Variants in DPYSL5 observed in about 807,000 individuals in gnomAD.
DPYSL5 encodes the protein dihydropyrimidinase-related protein 5.
A neutral mutation model predicts 58.4 loss-of-function variants in DPYSL5; 9 were observed. The ratio of observed to expected loss-of-function variants is 0.15; its 90% CI spans 0.09 to 0.27. The LOEUF (loss-of-function observed/expected upper bound fraction) is 0.27, where lower values mean the gene tolerates loss of function less well. DPYSL5 is among the 10% of genes least tolerant of loss of function. DPYSL5 has a pLI of 1.00. For synonymous variants in DPYSL5, 293 were observed against 301.9 expected (o/e 0.97, Z 0.31); for missense variants, 499 against 770.6 (o/e 0.65, Z 4.17).
At position 26,934,196 on chromosome 2, in the gene DPYSL5, G is replaced by A. The variant is rs1290051246; in HGVS notation, c.791-382G>A. 6.6e-6 allele frequency among the ~76,000 whole-genome samples: 1 copy of A among 152,148 alleles called. No individual in the cohort carries two copies. The highest frequency in any genetic ancestry group is 1.5e-5 in the Non-Finnish European group (1 of 68,026). On this transcript the variant is annotated intron_variant, in intron 7 of 12. Coordinates refer to ENST00000288699, the MANE Select transcript of DPYSL5 (RefSeq NM_020134.4). The surrounding 1 kb of genome is among the most constrained non-coding windows in gnomAD (Gnocchi z 4.3). The stretch of plus-strand genomic sequence containing the variant: ...TTGAAGCTGCTCACAGCAACTGCCT[G>A]TCCAGAAAACAGTCTAGACTGCTCT...
Position 26,931,189 on chromosome 2 carries a change from G to A in DPYSL5, c.670-451G>A, listed in dbSNP as rs1488824728. ...TATATATGTGTGTGTGTGTGTGTGT[G>A]TGTGTGTGTGTGTGTATATATATAT... On this transcript the variant is annotated intron_variant, in intron 5 of 12. Coordinates refer to ENST00000288699, the MANE Select transcript of DPYSL5 (RefSeq NM_020134.4). Among the ~76,000 whole-genome samples the A allele has an allele frequency of 3.5e-4, 21 of 59,514 alleles. No homozygotes were observed. In the South Asian group the frequency reaches 0.015, roughly 43 times the overall value. 39.0% of individuals were successfully genotyped at this position (59,514 alleles called of 152,430 possible). A position where few individuals can be genotyped will look rare whatever the true frequency, so the allele number is the denominator to read the frequency against.
rs1200457508 is a variant in DPYSL5 at position 26,924,091 on chromosome 2, G to A, written c.262-796G>A. On this transcript the variant is annotated intron_variant, in intron 2 of 12. Transcript: ENST00000288699. This position sits in a 1 kb window ranked among gnomAD's most constrained non-coding sequence, Gnocchi z 4.7. ...AATTCACTTTTAAAAAGTTGAGTGG[G>A]GGAATCTCTAATACAGATTTAGTCA... Among the ~76,000 whole-genome samples, 2 of 152,158 alleles carry A rather than the reference G, an allele frequency of 1.3e-5. No individual in the cohort carries two copies. Among genetic ancestry groups the A allele is most frequent in the Non-Finnish European group, 2.9e-5 (2 of 68,040 alleles).
chr2:26,849,874 C>A lies in DPYSL5; in HGVS notation c.-5+1620C>A, dbSNP rs1375276175. On this transcript the variant is annotated intron_variant, in intron 1 of 12. Coordinates refer to ENST00000288699, the MANE Select transcript of DPYSL5 (RefSeq NM_020134.4). This position sits in a 1 kb window ranked among gnomAD's most constrained non-coding sequence, Gnocchi z 6.2. The stretch of plus-strand genomic sequence containing the variant: ...GCCTGCAGACAGCCACCCCCCCACT[C>A]CGGCTCGGGTGCCTTCTGGTGCAGC... Among the ~76,000 whole-genome samples the A allele has an allele frequency of 2.0e-5, 3 of 152,216 alleles. No homozygotes were observed. The highest frequency in any genetic ancestry group is 4.4e-5 in the Non-Finnish European group (3 of 68,032).
intron 1 of DPYSL5, among the ~76,000 whole-genome samples, chr2:26,874,533 G>T (rs1177959341): frequency 6.6e-6 from 1 of 152,160 alleles, no homozygotes; most frequent in Non-Finnish European, 1.5e-5. Context: ...ATATATATAT[G>T]TAGGTCTATT....
chr2:26,896,850 T>C (rs1664035243), intron 1 of DPYSL5, among the ~76,000 whole-genome samples: 1 of 152,252 alleles, frequency 6.6e-6, no homozygotes, highest in Non-Finnish European at 1.5e-5. Flanking sequence ...CTGTTGATTG[T>C]TTCCTTCGCT....
At chr2:26,867,759 A>G (rs191869421) in intron 1 of DPYSL5, among the ~76,000 whole-genome samples, 146 of 152,006 alleles carry the variant, frequency 9.6e-4, no homozygotes, top group Middle Eastern at 3.4e-3. Context: ...CCGGCCCCCA[A>G]TTGTTTGTTT....
chr2:26,856,248 T>C (rs917533782), intron 1 of DPYSL5, among the ~76,000 whole-genome samples: 3 of 152,034 alleles, frequency 2.0e-5, no homozygotes, highest in Non-Finnish European at 4.4e-5. Context: ...TCTTATTATT[T>C]AAAAAAGGGA....
intron 5 of DPYSL5, 117 bp from the exon 6 acceptor site, chr2:26,931,523 C>A: frequency 8.0e-7 from 1 of 1,242,284 alleles, no homozygotes; most frequent in Non-Finnish European, 1.1e-6. Flanking sequence ...TCTGCCCGGG[C>A]TTTGCCCCGA....
chr2:26,914,442 G>T (rs1558343261), intron 2 of DPYSL5, among the ~76,000 whole-genome samples: 1 of 152,190 alleles, frequency 6.6e-6, no homozygotes. Flanking sequence ...GTCTTTCCAG[G>T]CATTGCTGGG....
chr2:26,931,699 G>A lies in DPYSL5; in HGVS notation c.714+15G>A, dbSNP rs72851870. ...TTGCAAACAGGGTAAGTCCCCCGATGTCCACTGTGGGATTAGAAACCAACC... is the reference window on the plus strand; with the variant it reads ...TTGCAAACAGGGTAAGTCCCCCGATATCCACTGTGGGATTAGAAACCAACC... On this transcript the variant is annotated intron_variant, in intron 6 of 12. Transcript: ENST00000288699. 1 of 1,613,672 alleles carries A rather than the reference G, an allele frequency of 6.2e-7. No homozygotes were observed. Among genetic ancestry groups the A allele is most frequent in the East Asian group, 2.2e-5 (1 of 44,868 alleles).
chr2:26,886,240 T>C (rs1213942295), intron 1 of DPYSL5, among the ~76,000 whole-genome samples: 1 of 152,178 alleles, frequency 6.6e-6, no homozygotes, highest in Non-Finnish European at 1.5e-5. Context: ...TCTTTTTTGC[T>C]TGTCACCTAA....
chr2:26,916,344 C>T (rs1664563659), intron 2 of DPYSL5, among the ~76,000 whole-genome samples: 6 of 152,160 alleles, frequency 3.9e-5, no homozygotes, highest in Admixed American at 2.6e-4. Flanking sequence ...CTGCACGTGG[C>T]TTACAGCAGA....
rs1324624030 is a variant in DPYSL5, at chr2:26,931,169, A to ATG, written c.670-437_670-436dup. On this transcript the variant is annotated intron_variant, in intron 5 of 12. Coordinates refer to ENST00000288699, the MANE Select transcript of DPYSL5 (RefSeq NM_020134.4). ...AAAAAAAAAATATATATATATATAT[A>ATG]TGTGTGTGTGTGTGTGTGTGTGTGT... Among the ~76,000 whole-genome samples the ATG allele has an allele frequency of 6.0e-3, 275 of 45,680 alleles. 6 individuals are homozygous for ATG. Among genetic ancestry groups the ATG allele is most frequent in the African/African-American group, 0.015 (221 of 14,332 alleles). 30.0% of individuals were successfully genotyped at this position (45,680 alleles called of 152,430 possible).
Position 26,927,630 on chromosome 2 carries a change from C to T in DPYSL5, c.600+198C>T, listed in dbSNP as rs75230530. On this transcript the variant is annotated intron_variant, in intron 4 of 12. Transcript: ENST00000288699. The surrounding 1 kb of genome is among the most constrained non-coding windows in gnomAD (Gnocchi z 4.3). Reference sequence around the variant, plus strand: ...ACTACTGTCTGTAAAAAACAAATCTCTTTTTATGGTTCAAAAAGGCTTCTA... The same window carrying T: ...ACTACTGTCTGTAAAAAACAAATCTTTTTTTATGGTTCAAAAAGGCTTCTA... Among the ~76,000 whole-genome samples the T allele has an allele frequency of 3.3e-3, 500 of 152,340 alleles. 2 individuals carry two copies. Among genetic ancestry groups the T allele is most frequent in the Middle Eastern group, 6.8e-3 (2 of 294 alleles).
At chr2:26,902,549 C>A (rs1024101162) in intron 2 of DPYSL5, among the ~76,000 whole-genome samples, 2 of 152,132 alleles carry the variant, frequency 1.3e-5, no homozygotes, top group African/African-American at 4.8e-5. Flanking sequence ...CTCCCTATCC[C>A]TACAAACATA....
At chr2:26,946,722 T>C (rs1230254135) in intron 12 of DPYSL5, among the ~76,000 whole-genome samples, 188 bp from the exon 13 acceptor site, 3 of 151,922 alleles carry the variant, frequency 2.0e-5, no homozygotes, top group Non-Finnish European at 4.4e-5. Context: ...CTCTGCCACT[T>C]ACACACTGCA....
chr2:26,919,846 A>C (rs988195524), intron 2 of DPYSL5, among the ~76,000 whole-genome samples: 4 of 152,196 alleles, frequency 2.6e-5, no homozygotes, highest in Non-Finnish European at 5.9e-5. Flanking sequence ...CACTGTGTGA[A>C]GTTGTAAATG....
chr2:26,937,634 T>G (rs1182158468), intron 8 of DPYSL5, among the ~76,000 whole-genome samples: 2 of 147,312 alleles, frequency 1.4e-5, no homozygotes, highest in Non-Finnish European at 1.5e-5. Context: ...TTCTGGCTTG[T>G]TTTTTTTTTT....
intron 1 of DPYSL5, among the ~76,000 whole-genome samples, chr2:26,891,438 C>T (rs1039628587): frequency 4.6e-5 from 7 of 151,986 alleles, no homozygotes; most frequent in African/African-American, 1.7e-4. Flanking sequence ...GCAAGGGAGC[C>T]AAGCCTCTTC....
Sources: gnomAD v4.1 joint callset for allele counts (sites outside exome capture counted in the v4.1 genomes callset) on GRCh38, gnomAD v4.1.1 for gene constraint, Gnocchi (gnomAD v3.1) non-coding constraint, MANE v1.5 for transcripts, NCBI Gene and HGNC (gene_info 2026-07-23, HGNC 2026-07-21) for gene names.